Variants in ACYP2 observed in about 807,000 individuals in gnomAD.
ACYP2 encodes the protein acylphosphatase-2.
A neutral mutation model predicts 11.2 loss-of-function variants in ACYP2; 12 were observed. That is an observed-to-expected ratio of 1.08 (90% CI 0.69 to 1.74). The LOEUF (loss-of-function observed/expected upper bound fraction) is 1.74, where lower values mean the gene tolerates loss of function less well. ACYP2 is among the 40% of genes most tolerant of loss of function. The pLI, the probability that ACYP2 is intolerant of heterozygous loss-of-function variation, is 0.00. For synonymous variants in ACYP2, 43 were observed against 32.2 expected, an observed-to-expected ratio of 1.33 and a Z score of -1.13; for missense variants, 134 against 101.9, an observed-to-expected ratio of 1.31 and a Z score of -1.35.
At position 54,003,909 on chromosome 2, in the gene ACYP2, A is replaced by T. The variant is rs191154540; in HGVS notation, c.62+30099A>T. Among the ~76,000 whole-genome samples the T allele has an allele frequency of 3.7e-3, 560 of 152,166 alleles. 2 individuals carry two copies. Among genetic ancestry groups the T allele is most frequent in the Middle Eastern group, 0.031 (9 of 292 alleles). On this transcript the variant is annotated intron_variant, in intron 2 of 6. Transcript: ENST00000607452. ...TCCTCGCTAGCATTTATTGTTGTCA[A>T]TGTTTAGGGTTTTGGCCATTCTCAT...
chr2:54,161,792 A>G (rs7601410), intron 6 of ACYP2, among the ~76,000 whole-genome samples: 7,148 of 152,248 alleles, frequency 0.047, 567 homozygotes, highest in African/African-American at 0.16. Context: ...ACAATAATGA[A>G]AAGAATATAG....
At chr2:53,981,415 C>A (rs1437043503) in intron 2 of ACYP2, among the ~76,000 whole-genome samples, 1 of 152,106 alleles carries the variant, frequency 6.6e-6, no homozygotes. Flanking sequence ...TTGGTGTACC[C>A]CCTATGTAAG....
chr2:54,301,131 T>C, intron 6 of ACYP2, among the ~76,000 whole-genome samples: 1 of 152,240 alleles, frequency 6.6e-6, no homozygotes, highest in South Asian at 2.1e-4. Context: ...GCAAATAAGT[T>C]GTTTCAGTTT....
intron 2 of ACYP2, among the ~76,000 whole-genome samples, chr2:53,980,715 C>T (rs978558296): frequency 6.6e-6 from 1 of 152,066 alleles, no homozygotes; most frequent in Admixed American, 6.6e-5. Flanking sequence ...TCTAGTCCTA[C>T]AGACTCCATT....
At chr2:54,025,612 A>G (rs1265270017) in intron 2 of ACYP2, among the ~76,000 whole-genome samples, 1 of 152,206 alleles carries the variant, frequency 6.6e-6, no homozygotes, top group Non-Finnish European at 1.5e-5. Context: ...ACAACCTGAA[A>G]CCATAAAAAT....
chr2:53,975,656 C>G lies in ACYP2; in HGVS notation c.62+1846C>G, dbSNP rs1054594052. ...GAGCATCCTGGCTACCACACTGAAA[C>G]CCCGTCTCTACTAAAAATACAAAAA... On this transcript the variant is annotated intron_variant, in intron 2 of 6. Transcript: ENST00000607452. 2.0e-5 allele frequency among the ~76,000 whole-genome samples: 3 copies of G among 152,104 alleles called. 1 individual carries two copies. Among genetic ancestry groups the G allele is most frequent in the Admixed American group, 2.0e-4 (3 of 15,272 alleles).
At chr2:54,103,056 G>A (rs1177478238) in intron 4 of ACYP2, among the ~76,000 whole-genome samples, 1 of 152,188 alleles carries the variant, frequency 6.6e-6, no homozygotes, top group Non-Finnish European at 1.5e-5. Flanking sequence ...AAGGGTAAGG[G>A]AAGGCATTAG....
chr2:54,181,383 G>A (rs1055216316), intron 6 of ACYP2, among the ~76,000 whole-genome samples: 1 of 152,084 alleles, frequency 6.6e-6, no homozygotes, highest in African/African-American at 2.4e-5. Context: ...TAGAACTGAA[G>A]TCCAGCTTTA....
chr2:54,087,357 C>G (rs1490815788), intron 4 of ACYP2, among the ~76,000 whole-genome samples: 2 of 151,636 alleles, frequency 1.3e-5, no homozygotes, highest in Non-Finnish European at 2.9e-5. Flanking sequence ...TTTTTCTTTT[C>G]TTTTTTTTGA....
intron 6 of ACYP2, among the ~76,000 whole-genome samples, chr2:54,199,383 G>C (rs1424015226): frequency 6.6e-6 from 1 of 152,182 alleles, no homozygotes; most frequent in Non-Finnish European, 1.5e-5. Flanking sequence ...ACTTGCCCAA[G>C]ATCAAAGATT....
At chr2:54,028,421 C>T (rs1674408777) in intron 2 of ACYP2, among the ~76,000 whole-genome samples, 2 of 152,066 alleles carry the variant, frequency 1.3e-5, no homozygotes, top group African/African-American at 4.8e-5. Context: ...CCCGGCAATT[C>T]CCCTCAGCCT....
At chr2:54,274,033 C>A (rs919198811) in intron 6 of ACYP2, among the ~76,000 whole-genome samples, 2 of 152,132 alleles carry the variant, frequency 1.3e-5, no homozygotes, top group African/African-American at 4.8e-5. Context: ...TTGTATTAGT[C>A]TGTTTTCACA....
intron 2 of ACYP2, among the ~76,000 whole-genome samples, chr2:53,997,847 C>A (rs1234187409): frequency 1.3e-5 from 2 of 152,040 alleles, no homozygotes; most frequent in African/African-American, 4.8e-5. Flanking sequence ...AATGAAAAAA[C>A]ACTCCATGTG....
chr2:54,059,824 G>A (rs1676371386), intron 4 of ACYP2, among the ~76,000 whole-genome samples: 1 of 152,170 alleles, frequency 6.6e-6, no homozygotes, highest in African/African-American at 2.4e-5. Context: ...GTTACTTAAG[G>A]ATATGAATAG....
intron 4 of ACYP2, among the ~76,000 whole-genome samples, chr2:54,079,379 A>T (rs1677524295): frequency 6.6e-6 from 1 of 152,232 alleles, no homozygotes; most frequent in Non-Finnish European, 1.5e-5. Context: ...GCATTCAGGA[A>T]GGGGAATGTG....
intron 2 of ACYP2, among the ~76,000 whole-genome samples, chr2:54,023,430 CAGCCTACCTGATTTTTAG>C (rs1263873203): frequency 6.6e-6 from 1 of 152,182 alleles, no homozygotes; most frequent in African/African-American, 2.4e-5. Context: ...TCCGGGATGA[CAGCCTACCTGATTTTTAG>C]AGCAACTTTA....
chr2:53,997,265 A>G (rs919482981), intron 2 of ACYP2, among the ~76,000 whole-genome samples: 4 of 152,128 alleles, frequency 2.6e-5, no homozygotes, highest in African/African-American at 4.8e-5. Context: ...AAGTATATCA[A>G]TATGTCTCGC....
intron 4 of ACYP2, among the ~76,000 whole-genome samples, chr2:54,132,650 A>G (rs1199140428): frequency 6.6e-6 from 1 of 152,058 alleles, no homozygotes; most frequent in Non-Finnish European, 1.5e-5. Context: ...ATCCGCTGTG[A>G]CTTCCCAGTG....
chr2:54,025,593 C>T (rs60277416), intron 2 of ACYP2, among the ~76,000 whole-genome samples: 2 of 152,260 alleles, frequency 1.3e-5, no homozygotes, highest in African/African-American at 4.8e-5. Context: ...GGATCAAAGA[C>T]TTGAATATAC....
Sources: allele counts gnomAD v4.1 joint callset (sites outside exome capture counted in the v4.1 genomes callset), GRCh38; gene constraint gnomAD v4.1.1; transcripts MANE v1.5; gene names NCBI Gene and HGNC (gene_info 2026-07-23, HGNC 2026-07-21).